Variants in OGDHL observed in about 807,000 individuals in gnomAD.
OGDHL encodes oxoglutarate dehydrogenase L.
OGDHL carries 79 observed loss-of-function variants against 109.6 expected under a neutral mutation model. The observed-to-expected ratio is 0.72, with a 90% CI of 0.60 to 0.87. OGDHL has a LOEUF of 0.87. Ranked by LOEUF, OGDHL falls within the 40% of genes least tolerant of loss-of-function variation. The pLI is 0.00. For missense variants in OGDHL, 1,275 were observed against 1,362.2 expected (o/e 0.94, Z 1.01); for synonymous variants, 528 against 537.2 (o/e 0.98, Z 0.24).
chr10:49,760,323 CA>C (rs1282828013), intron 1 of OGDHL, among the ~76,000 whole-genome samples: 1 of 152,234 alleles, frequency 6.6e-6, no homozygotes, highest in African/African-American at 2.4e-5. Context: ...GAGCGCGGGG[CA>C]CTTGGGGCCG....
chr10:49,749,665 A>G, intron 8 of OGDHL, 61 bp downstream of exon 8: 3 of 1,431,732 alleles, frequency 2.1e-6, no homozygotes, highest in Non-Finnish European at 2.8e-6. Flanking sequence ...CAGCCCCTCC[A>G]CAGTCCACCT....
intron 12 of OGDHL, 27 bp from the exon 13 acceptor site, chr10:49,744,779 G>A (rs750058413): frequency 3.8e-6 from 6 of 1,587,414 alleles, no homozygotes; most frequent in Non-Finnish European, 5.2e-6. Flanking sequence ...GATGTGGACA[G>A]AGCACCAAAG....
chr10:49,748,664 G>A (rs747282813), intron 8 of OGDHL, among the ~76,000 whole-genome samples: 113 of 151,360 alleles, frequency 7.5e-4, no homozygotes, highest in Non-Finnish European at 1.4e-3. Context: ...GCAAAGTGAG[G>A]CTTAGAAGGC....
At chr10:49,742,389 C>A (rs916446270) in intron 15 of OGDHL, among the ~76,000 whole-genome samples, 3 of 952 alleles carry the variant, frequency 3.2e-3, no homozygotes, top group African/African-American at 9.4e-3. Context: ...ACACACCACA[C>A]CCCCACACAC....
At position 49,751,834 on chromosome 10, in the gene OGDHL, A is replaced by C. The variant is rs745893521; in HGVS notation, c.742T>G (p.Ser248Ala). The C allele has an allele frequency of 6.2e-7, 1 of 1,613,624 alleles. No homozygotes were observed. The highest frequency in any genetic ancestry group is 1.1e-5 in the South Asian group (1 of 91,056). ...CCTCCAGGTGGTGCCAACCTCATGG[A>C]GCGCACTAGCCGGGCCAGCAGGGTC... ...KRTLLARLVR[S>A]MRFEDFLARK... The change falls in exon 6 of 23, where the codon TCC becomes GCC. Residue 248 changes from serine (S) to alanine (A), a missense_variant. Transcript: ENST00000374103.
At chr10:49,746,349 C>T (rs543041626) in intron 10 of OGDHL, among the ~76,000 whole-genome samples, 1 of 152,332 alleles carries the variant, frequency 6.6e-6, no homozygotes, top group South Asian at 2.1e-4. Context: ...TCCCACCTCA[C>T]AGGATGTTCA....
chr10:49,749,503 C>T (rs1842438456), intron 8 of OGDHL, among the ~76,000 whole-genome samples: 1 of 152,156 alleles, frequency 6.6e-6, no homozygotes, highest in African/African-American at 2.4e-5. Flanking sequence ...GGGAGGTTGA[C>T]CCAGATTATC....
chr10:49,751,533 C>T (rs1842588167), intron 6 of OGDHL, among the ~76,000 whole-genome samples: 1 of 152,198 alleles, frequency 6.6e-6, no homozygotes, highest in Admixed American at 6.5e-5. Context: ...GGATAATTTT[C>T]TGCCCAAATG....
At chr10:49,736,593 ATCCCCAGGCTC>A in intron 20 of OGDHL, 73 bp from the exon 21 acceptor site, 1 of 1,505,102 alleles carries the variant, frequency 6.6e-7, no homozygotes, top group Non-Finnish European at 9.0e-7. Context: ...CCAGGCCTGC[ATCCCCAGGCTC>A]TCCTTAGCCA....
rs368989815 is a variant in OGDHL at position 49,741,494 on chromosome 10, G to A, written c.2013-657C>T. ...CACCACCCTGGCTTGCTAACCAGGA[G>A]CGGACTGAGGCAGGATCTAGAACAT... On this transcript the variant is annotated intron_variant, in intron 15 of 22. Transcript: ENST00000374103. Among the ~76,000 whole-genome samples, 20 of 152,202 alleles carry A rather than the reference G, an allele frequency of 1.3e-4. No homozygotes were observed. In the East Asian group the frequency reaches 2.9e-3, roughly 22 times the overall value.
At chr10:49,752,521 T>C (rs1346511985) in intron 4 of OGDHL, 117 bp downstream of exon 4, 21 of 879,570 alleles carry the variant, frequency 2.4e-5, no homozygotes, top group Non-Finnish European at 3.8e-5. Context: ...GGAGGCCCTG[T>C]GGGCTGCTCC....
At chr10:49,758,621 T>A (rs1444450282) in intron 1 of OGDHL, 28 bp from the exon 2 acceptor site, 2 of 1,609,436 alleles carry the variant, frequency 1.2e-6, no homozygotes, top group Non-Finnish European at 1.7e-6. Context: ...AGGAGAGGCA[T>A]AAATGGCAGG....
intron 3 of OGDHL, among the ~76,000 whole-genome samples, chr10:49,755,417 G>T (rs964752993): frequency 3.3e-5 from 5 of 152,218 alleles, no homozygotes; most frequent in African/African-American, 9.6e-5. Flanking sequence ...CTATATCTGG[G>T]ATCTGCCTCA....
rs562719250 is a variant in OGDHL, at chr10:49,750,366, C to T, written c.896+473G>A. On this transcript the variant is annotated intron_variant, in intron 7 of 22. Coordinates refer to ENST00000374103, the MANE Select transcript of OGDHL (RefSeq NM_018245.3). ...TAACGCCCCACTGCTGAGCAAGCCT[C>T]CTAGATCTTCATCAAGGTCAAGGGA... is the stretch of plus-strand genomic sequence containing the variant. 1.1e-3 allele frequency among the ~76,000 whole-genome samples: 174 copies of T among 152,308 alleles called. 2 individuals carry two copies. The highest frequency in any genetic ancestry group is 1.2e-3 in the Admixed American group (19 of 15,308).
intron 1 of OGDHL, among the ~76,000 whole-genome samples, chr10:49,761,375 C>A (rs1156747342): frequency 6.6e-6 from 1 of 152,232 alleles, no homozygotes; most frequent in Non-Finnish European, 1.5e-5. Context: ...GTGAGGACTA[C>A]TCCCTAATGC....
intron 22 of OGDHL, 43 bp downstream of exon 22, chr10:49,735,980 C>G (rs992746513): frequency 3.9e-6 from 6 of 1,530,308 alleles, no homozygotes; most frequent in Non-Finnish European, 4.4e-6. Context: ...AGGACAGAGC[C>G]TCAGGGCCGA....
intron 10 of OGDHL, 34 bp from the exon 11 acceptor site, chr10:49,746,011 A>C: frequency 6.2e-7 from 1 of 1,607,266 alleles, no homozygotes; most frequent in Non-Finnish European, 8.5e-7. Context: ...TGCGCCTCTC[A>C]ATTTACTTAG....
chr10:49,752,024 G>C, intron 5 of OGDHL, 43 bp from the exon 6 acceptor site: 1 of 1,612,932 alleles, frequency 6.2e-7, no homozygotes, highest in Non-Finnish European at 8.5e-7. Flanking sequence ...GGGGAAGAGG[G>C]ACGGCTGACA....
At chr10:49,760,018 G>A (rs935248298) in intron 1 of OGDHL, among the ~76,000 whole-genome samples, 4 of 152,202 alleles carry the variant, frequency 2.6e-5, no homozygotes, top group African/African-American at 9.6e-5. Flanking sequence ...CTCACTGGCT[G>A]GACTTTCCAC....
Sources: allele counts gnomAD v4.1 joint callset (sites outside exome capture counted in the v4.1 genomes callset), GRCh38; gene constraint gnomAD v4.1.1; transcripts MANE v1.5; gene names NCBI Gene and HGNC (gene_info 2026-07-23, HGNC 2026-07-21).